Variants in TAFA2 observed in about 807,000 individuals in gnomAD.
TAFA2 encodes the protein TAFA chemokine like family member 2, also known as chemokine-like protein TAFA-2.
In TAFA2, 7 loss-of-function variants were observed where a neutral mutation model predicts 18.8. The observed-to-expected ratio is 0.37, with a 90% CI of 0.21 to 0.70. TAFA2 has a LOEUF of 0.70. TAFA2 is among the 30% of genes least tolerant of loss of function. TAFA2 has a pLI of 0.53. For synonymous variants in TAFA2, 60 were observed against 54.2 expected (o/e 1.11, Z -0.47); for missense variants, 122 against 158.1 (o/e 0.77, Z 1.23).
intron 1 of TAFA2, among the ~76,000 whole-genome samples, chr12:62,218,368 T>C (rs1391756047): frequency 6.6e-6 from 1 of 152,162 alleles, no homozygotes; most frequent in African/African-American, 2.4e-5. Context: ...GAGTCTCTCC[T>C]ACCCGTGTCT....
chr12:61,810,876 T>C (rs58689705), intron 2 of TAFA2, among the ~76,000 whole-genome samples: 43,284 of 151,096 alleles, frequency 0.29, 7,161 homozygotes, highest in South Asian at 0.4. Context: ...TCAGTCAATT[T>C]GTGTTTTTGA....
intron 1 of TAFA2, among the ~76,000 whole-genome samples, chr12:61,951,719 C>T (rs781210353): frequency 1.5e-4 from 23 of 151,970 alleles, no homozygotes; most frequent in Non-Finnish European, 2.6e-4. Flanking sequence ...AAGGCATACA[C>T]TACAAATTTC....
At chr12:62,190,574 ACTAAAG>A (rs1240099898) in intron 1 of TAFA2, among the ~76,000 whole-genome samples, 1 of 152,234 alleles carries the variant, frequency 6.6e-6, no homozygotes, top group African/African-American at 2.4e-5. Flanking sequence ...AGAATCATTT[ACTAAAG>A]CTCTCTTGTA....
intron 2 of TAFA2, among the ~76,000 whole-genome samples, chr12:61,784,023 C>T (rs1486386832): frequency 1.3e-5 from 2 of 151,446 alleles, no homozygotes; most frequent in Non-Finnish European, 3.0e-5. Context: ...AACAGCATGG[C>T]TACTTTATGA....
intron 2 of TAFA2, among the ~76,000 whole-genome samples, chr12:61,756,249 T>A (rs1356868910): frequency 6.6e-6 from 1 of 152,062 alleles, no homozygotes; most frequent in Non-Finnish European, 1.5e-5. Context: ...TGACATATAA[T>A]CCTCAATAGA....
chr12:61,843,210 A>G (rs1176938553), intron 2 of TAFA2, among the ~76,000 whole-genome samples: 1 of 152,104 alleles, frequency 6.6e-6, no homozygotes, highest in African/African-American at 2.4e-5. Flanking sequence ...GGTCCTTTCT[A>G]TATAAAACTA....
At chr12:61,844,998 A>G (rs1196005445) in intron 2 of TAFA2, among the ~76,000 whole-genome samples, 1 of 152,152 alleles carries the variant, frequency 6.6e-6, no homozygotes, top group Non-Finnish European at 1.5e-5. Flanking sequence ...AAAGATGCCT[A>G]GGTCACAAGA....
rs77200715 is a variant in TAFA2 at position 62,125,411 on chromosome 12, C to T, written c.-2+65848G>A. ...CTGCCCTAGTTTAGTTGAAGGTTAG[C>T]AATAACATATCTTCATGCATCCCCA... is the stretch of plus-strand genomic sequence containing the variant. On this transcript the variant is annotated intron_variant, in intron 1 of 4. Transcript: ENST00000416284. Among the ~76,000 whole-genome samples the T allele has an allele frequency of 2.0e-5, 3 of 152,216 alleles. No homozygotes were observed. In the East Asian group the frequency reaches 5.8e-4, roughly 30 times the overall value.
chr12:62,002,700 C>T (rs1880418445), intron 1 of TAFA2, among the ~76,000 whole-genome samples: 1 of 152,180 alleles, frequency 6.6e-6, no homozygotes, highest in South Asian at 2.1e-4. Context: ...GATAGTCCTT[C>T]CAACACTCTG....
chr12:61,828,296 T>C (rs1355038949), intron 2 of TAFA2, among the ~76,000 whole-genome samples: 1 of 151,944 alleles, frequency 6.6e-6, no homozygotes, highest in African/African-American at 2.4e-5. Context: ...TATTTTCTGA[T>C]GACCAAAACG....
intron 2 of TAFA2, among the ~76,000 whole-genome samples, chr12:61,857,836 A>G (rs757831393): frequency 1.3e-5 from 2 of 152,074 alleles, no homozygotes; most frequent in South Asian, 4.1e-4. Flanking sequence ...GTTGAATTCT[A>G]TCTTGGAGTC....
chr12:62,099,782 C>A (rs1163744602), intron 1 of TAFA2, among the ~76,000 whole-genome samples: 1 of 152,048 alleles, frequency 6.6e-6, no homozygotes, highest in Non-Finnish European at 1.5e-5. Context: ...GGGAAGTATC[C>A]CCTTCACTTT....
At chr12:62,065,331 A>G (rs1882456310) in intron 1 of TAFA2, among the ~76,000 whole-genome samples, 1 of 152,096 alleles carries the variant, frequency 6.6e-6, no homozygotes, top group African/African-American at 2.4e-5. Flanking sequence ...AGTAGTAAAC[A>G]GGAAAAGGAA....
chr12:62,143,677 C>A (rs560290643), intron 1 of TAFA2, among the ~76,000 whole-genome samples: 7 of 152,224 alleles, frequency 4.6e-5, no homozygotes, highest in African/African-American at 1.7e-4. Context: ...GCCCACCCCC[C>A]ACAACCTTAT....
At chr12:61,817,690 T>C (rs1186652721) in intron 2 of TAFA2, among the ~76,000 whole-genome samples, 2 of 152,214 alleles carry the variant, frequency 1.3e-5, no homozygotes, top group Non-Finnish European at 2.9e-5. Context: ...TGCAGATTAG[T>C]GCTGCACAGA....
At chr12:61,799,801 G>C (rs1431386026) in intron 2 of TAFA2, among the ~76,000 whole-genome samples, 1 of 152,004 alleles carries the variant, frequency 6.6e-6, no homozygotes, top group Admixed American at 6.6e-5. Flanking sequence ...CAGCCTGGGC[G>C]ACAGAGCAAG....
intron 1 of TAFA2, among the ~76,000 whole-genome samples, chr12:61,883,320 G>T (rs983726788): frequency 1.3e-5 from 2 of 152,090 alleles, no homozygotes; most frequent in African/African-American, 4.8e-5. Context: ...CAGAGTAAAG[G>T]CATTATTTAC....
chr12:61,767,251 C>A (rs1490364388), intron 2 of TAFA2, among the ~76,000 whole-genome samples: 1 of 152,070 alleles, frequency 6.6e-6, no homozygotes, highest in East Asian at 1.9e-4. Context: ...TCAGAAAGCA[C>A]TTTACTTATT....
intron 2 of TAFA2, among the ~76,000 whole-genome samples, chr12:61,824,367 A>T (rs1462234279): frequency 6.6e-6 from 1 of 152,178 alleles, no homozygotes; most frequent in African/African-American, 2.4e-5. Flanking sequence ...TGTGTTGTTT[A>T]AGCTGCTAAA....
Sources: allele counts gnomAD v4.1 joint callset (sites outside exome capture counted in the v4.1 genomes callset), GRCh38; gene constraint gnomAD v4.1.1; transcripts MANE v1.5; gene names NCBI Gene and HGNC (gene_info 2026-07-23, HGNC 2026-07-21).